The following PPP1R1C variants were observed in gnomAD, a reference collection of about 807,000 sequenced individuals.
The protein encoded by PPP1R1C is protein phosphatase 1 regulatory subunit 1C.
PPP1R1C carries 15 observed loss-of-function variants against 17.4 expected under a neutral mutation model. That is an observed-to-expected ratio of 0.86 (90% CI 0.58 to 1.33). The LOEUF is 1.33. PPP1R1C is among the 40% of genes most tolerant of loss of function. The pLI is 0.00. For missense variants in PPP1R1C, 143 were observed against 130.0 expected, an observed-to-expected ratio of 1.10 and a Z score of -0.48; for synonymous variants, 35 against 43.1, an observed-to-expected ratio of 0.81 and a Z score of 0.73.
At chr2:182,117,175 A>G (rs753076843) in intron 4 of PPP1R1C, 32 bp from the exon 5 acceptor site, 2 of 1,407,856 alleles carry the variant, frequency 1.4e-6, no homozygotes, top group Admixed American at 4.3e-5. Flanking sequence ...AATGAAAATC[A>G]TTTAAATTTT....
chr2:182,121,981 C>T (rs1282149233), downstream of PPP1R1C, among the ~76,000 whole-genome samples: 1 of 152,162 alleles, frequency 6.6e-6, no homozygotes, highest in Non-Finnish European at 1.5e-5. Flanking sequence ...CAGTTCCTCC[C>T]AAACTTCTCT....
At chr2:182,027,688 T>C (rs1018114129) in intron 2 of PPP1R1C, among the ~76,000 whole-genome samples, 2 of 150,844 alleles carry the variant, frequency 1.3e-5, no homozygotes, top group African/African-American at 2.5e-5. Context: ...TGGTTGTGTC[T>C]CTGCCTGGCT....
intron 2 of PPP1R1C, among the ~76,000 whole-genome samples, chr2:182,038,135 T>A (rs1430942574): frequency 6.6e-6 from 1 of 152,144 alleles, no homozygotes; most frequent in Non-Finnish European, 1.5e-5. Context: ...CTTCCTGGGC[T>A]CATTCCATCC....
At chr2:182,098,824 G>C (rs746384027) in intron 4 of PPP1R1C, among the ~76,000 whole-genome samples, 28 of 152,122 alleles carry the variant, frequency 1.8e-4, no homozygotes, top group Non-Finnish European at 2.6e-4. Flanking sequence ...AAAACAGGAA[G>C]CTATCTAAAT....
In PPP1R1C at chr2:182,096,548, C is replaced by T. The variant is rs147282312; in HGVS notation, c.242-20659C>T. 3.5e-3 allele frequency among the ~76,000 whole-genome samples: 521 copies of T among 150,308 alleles called. 1 individual carries two copies. The highest frequency in any genetic ancestry group is 5.7e-3 in the Non-Finnish European group (385 of 67,310). ...CTCCGACTCCCGTGACCTCCCCTCG[C>T]AAATCTACACCTGGCTTTAAATGCG... On this transcript the variant is annotated intron_variant, in intron 4 of 4. Coordinates refer to ENST00000682840, the MANE Select transcript of PPP1R1C (RefSeq NM_001080545.3).
At chr2:182,022,953 C>G (rs868144674) in intron 2 of PPP1R1C, among the ~76,000 whole-genome samples, 4 of 152,178 alleles carry the variant, frequency 2.6e-5, no homozygotes, top group Middle Eastern at 3.2e-3. Context: ...ATACCCAATT[C>G]TCACTTGTAA....
chr2:182,088,306 A>G (rs538201386), intron 4 of PPP1R1C, among the ~76,000 whole-genome samples: 3 of 152,186 alleles, frequency 2.0e-5, no homozygotes, highest in South Asian at 2.1e-4. Context: ...GGCCTTTACT[A>G]TCAGTAGATT....
chr2:182,038,224 A>T (rs924858072), intron 2 of PPP1R1C, among the ~76,000 whole-genome samples: 4 of 151,944 alleles, frequency 2.6e-5, no homozygotes, highest in Non-Finnish European at 4.4e-5. Flanking sequence ...GTTTTTGTAG[A>T]TATAAGGTTT....
chr2:182,021,257 G>A (rs1686414098), intron 2 of PPP1R1C, among the ~76,000 whole-genome samples: 1 of 150,984 alleles, frequency 6.6e-6, no homozygotes, highest in Admixed American at 6.6e-5. Context: ...GTTTCTTTGG[G>A]GTATAAGAAG....
At chr2:182,091,198 G>A (rs1283300647) in intron 4 of PPP1R1C, among the ~76,000 whole-genome samples, 2 of 152,170 alleles carry the variant, frequency 1.3e-5, no homozygotes, top group African/African-American at 4.8e-5. Flanking sequence ...TTAATTAAAA[G>A]TAGTAGGGAG....
chr2:181,964,081 G>C (rs529082323), intron 1 of PPP1R1C, among the ~76,000 whole-genome samples: 3 of 151,880 alleles, frequency 2.0e-5, no homozygotes, highest in Non-Finnish European at 4.4e-5. Context: ...ATTTTTGTAC[G>C]CATTAACCAG....
intron 2 of PPP1R1C, among the ~76,000 whole-genome samples, chr2:182,051,024 C>T (rs536447743): frequency 9.2e-5 from 14 of 152,260 alleles, no homozygotes; most frequent in Non-Finnish European, 1.8e-4. Flanking sequence ...CATGATGCAG[C>T]GAGATACACA....
chr2:181,976,981 T>C lies in PPP1R1C; in HGVS notation n.157+1717T>C, dbSNP rs1225399742. ...AGCGAGACCCTGTCTCTACTAAAAA[T>C]ACAAAAATTAGCTTGGCATGGTGAC... is the stretch of plus-strand genomic sequence containing the variant. On this transcript the variant is annotated intron_variant and non_coding_transcript_variant, in intron 2 of 5. Transcript: ENST00000464264. This position sits in a 1 kb window ranked among gnomAD's most constrained non-coding sequence, Gnocchi z 4.8. 1.3e-5 allele frequency among the ~76,000 whole-genome samples: 2 copies of C among 150,960 alleles called. No homozygotes were observed. The highest frequency in any genetic ancestry group is 3.0e-5 in the Non-Finnish European group (2 of 67,740).
chr2:182,021,075 T>C (rs1242584590), intron 2 of PPP1R1C, among the ~76,000 whole-genome samples: 1 of 152,166 alleles, frequency 6.6e-6, no homozygotes, highest in African/African-American at 2.4e-5. Context: ...TCTTTCTCAA[T>C]ATTGTTGGCT....
At chr2:181,965,745 C>T (rs1416509624) in intron 1 of PPP1R1C, among the ~76,000 whole-genome samples, 1 of 152,108 alleles carries the variant, frequency 6.6e-6, no homozygotes, top group East Asian at 1.9e-4. Context: ...GTGATCCCTT[C>T]AGTTTTGTTC....
At chr2:182,003,079 C>T (rs1285836201) in intron 2 of PPP1R1C, among the ~76,000 whole-genome samples, 1 of 152,058 alleles carries the variant, frequency 6.6e-6, no homozygotes. Context: ...AAACTATCAA[C>T]ATATAGGGGA....
At chr2:182,104,961 C>T (rs563365019) in intron 4 of PPP1R1C, among the ~76,000 whole-genome samples, 121 of 151,982 alleles carry the variant, frequency 8.0e-4, no homozygotes, top group African/African-American at 2.3e-3. Flanking sequence ...TTCATGTTTT[C>T]GTGGCATTAG....
intron 4 of PPP1R1C, among the ~76,000 whole-genome samples, chr2:182,072,698 G>A (rs1196174): frequency 0.66 from 100,738 of 152,030 alleles, 33,793 homozygotes; most frequent in African/African-American, 0.75. Flanking sequence ...CAACCTTATA[G>A]CTTGATGGAA....
rs139426659 is a variant in PPP1R1C, at chr2:182,040,061, G to A, written c.143-21381G>A. Among the ~76,000 whole-genome samples, 593 of 152,248 alleles carry A rather than the reference G, an allele frequency of 3.9e-3. 6 individuals carry two copies. Among genetic ancestry groups the A allele is most frequent in the African/African-American group, 0.014 (568 of 41,540 alleles). Reference sequence around the variant, plus strand: ...TCTTCATCCACTCATTAGTTGATGGGCACTTAGGTTGGTACCATATCTTTG... The same window carrying A: ...TCTTCATCCACTCATTAGTTGATGGACACTTAGGTTGGTACCATATCTTTG... On this transcript the variant is annotated intron_variant, in intron 2 of 4. Transcript: ENST00000682840.
Sources: allele counts gnomAD v4.1 joint callset (sites outside exome capture counted in the v4.1 genomes callset), GRCh38; gene constraint gnomAD v4.1.1; non-coding constraint Gnocchi (gnomAD v3.1); transcripts MANE v1.5; gene names NCBI Gene and HGNC (gene_info 2026-07-23, HGNC 2026-07-21).